MYO1D: variants seen among roughly 807,000 people sequenced by gnomAD.
MYO1D encodes the protein myosin ID.
In MYO1D, 83 loss-of-function variants were observed where a neutral mutation model predicts 122.0. The ratio of observed to expected loss-of-function variants is 0.68; its 90% CI spans 0.57 to 0.82. The LOEUF (loss-of-function observed/expected upper bound fraction) is 0.82, where lower values mean the gene tolerates loss of function less well. MYO1D is among the 40% of genes least tolerant of loss of function. The pLI, the probability that MYO1D is intolerant of heterozygous loss-of-function variation, is 0.00. For synonymous variants in MYO1D, 464 were observed against 446.9 expected, an observed-to-expected ratio of 1.04 and a Z score of -0.48; for missense variants, 1,157 against 1,269.5, an observed-to-expected ratio of 0.91 and a Z score of 1.35.
intron 10 of MYO1D, among the ~76,000 whole-genome samples, chr17:32,757,369 G>C (rs1319284963): frequency 6.6e-6 from 1 of 152,010 alleles, no homozygotes; most frequent in African/African-American, 2.4e-5. Context: ...ATGGGGTAGG[G>C]GTGCTACTGT....
chr17:32,526,177 C>G (rs1462450281), intron 21 of MYO1D, among the ~76,000 whole-genome samples: 1 of 152,220 alleles, frequency 6.6e-6, no homozygotes, highest in Non-Finnish European at 1.5e-5. Context: ...CTGGTTCCCC[C>G]ACCAGATTGT....
intron 14 of MYO1D, among the ~76,000 whole-genome samples, chr17:32,736,015 T>C (rs1274266483): frequency 1.3e-5 from 2 of 152,124 alleles, no homozygotes; most frequent in Admixed American, 1.3e-4. Context: ...TGAATACCAA[T>C]TATTTAGATT....
chr17:32,823,906 A>G (rs1168479281), intron 1 of MYO1D, among the ~76,000 whole-genome samples: 1 of 151,798 alleles, frequency 6.6e-6, no homozygotes, highest in Admixed American at 6.6e-5. Flanking sequence ...TCTCTACTAA[A>G]AATATAAAAA....
At chr17:32,700,179 T>C (rs1309155735) in intron 16 of MYO1D, among the ~76,000 whole-genome samples, 1 of 152,228 alleles carries the variant, frequency 6.6e-6, no homozygotes, top group Non-Finnish European at 1.5e-5. Context: ...ACCAATTTCA[T>C]GGAAGACAGT....
intron 21 of MYO1D, among the ~76,000 whole-genome samples, chr17:32,566,610 A>C (rs529281950): frequency 6.6e-6 from 1 of 152,132 alleles, no homozygotes; most frequent in African/African-American, 2.4e-5. Context: ...ATGATTGGAA[A>C]GTCAACTGAG....
intron 21 of MYO1D, among the ~76,000 whole-genome samples, chr17:32,603,521 CTTTT>C (rs776245633): frequency 4.0e-5 from 4 of 99,676 alleles, no homozygotes; most frequent in Middle Eastern, 6.8e-3. Flanking sequence ...ACATTCTAAA[CTTTT>C]TTTTTTTTTT....
chr17:32,514,171 T>C, intron 21 of MYO1D, among the ~76,000 whole-genome samples: 1 of 135,906 alleles, frequency 7.4e-6, no homozygotes, highest in Non-Finnish European at 1.5e-5. Context: ...AATCCACAGG[T>C]AGAGATTGTA....
intron 21 of MYO1D, among the ~76,000 whole-genome samples, chr17:32,549,575 A>G (rs1002218223): frequency 6.6e-6 from 1 of 152,176 alleles, no homozygotes; most frequent in African/African-American, 2.4e-5. Context: ...ATAAGTTTAA[A>G]TGCACATAGC....
At chr17:32,778,886 G>T (rs1446719867) in intron 2 of MYO1D, among the ~76,000 whole-genome samples, 3 of 152,030 alleles carry the variant, frequency 2.0e-5, no homozygotes, top group African/African-American at 7.2e-5. Flanking sequence ...TACTTGGTAG[G>T]GACTCATAAG....
chr17:32,544,629 A>G (rs1464193428), intron 21 of MYO1D, among the ~76,000 whole-genome samples: 1 of 152,162 alleles, frequency 6.6e-6, no homozygotes, highest in East Asian at 1.9e-4. Flanking sequence ...ATAGAACAAC[A>G]CCTCTCAGGG....
intron 21 of MYO1D, among the ~76,000 whole-genome samples, chr17:32,576,999 T>C (rs543777522): frequency 9.9e-5 from 15 of 152,094 alleles, no homozygotes; most frequent in African/African-American, 3.6e-4. Context: ...CCTGTAATCC[T>C]AGCACTTTGG....
chr17:32,620,550 C>T (rs1208158454), intron 20 of MYO1D, among the ~76,000 whole-genome samples: 1 of 152,136 alleles, frequency 6.6e-6, no homozygotes, highest in Non-Finnish European at 1.5e-5. Context: ...CAGGGAACCC[C>T]CCCCTGCCAA....
intron 14 of MYO1D, among the ~76,000 whole-genome samples, chr17:32,721,969 T>C (rs1395080858): frequency 1.3e-5 from 2 of 152,252 alleles, no homozygotes; most frequent in Non-Finnish European, 2.9e-5. Flanking sequence ...TCTCTGAATC[T>C]GTTATCTATC....
intron 1 of MYO1D, among the ~76,000 whole-genome samples, chr17:32,864,006 C>CCTTTT (rs2091100797): frequency 4.2e-5 from 1 of 23,880 alleles, no homozygotes; most frequent in African/African-American, 2.0e-4. Context: ...AACATTTCTT[C>CCTTTT]CTTTTTTTTT....
chr17:32,497,372 G>T (rs1055971524), intron 21 of MYO1D, among the ~76,000 whole-genome samples: 1 of 152,136 alleles, frequency 6.6e-6, no homozygotes, highest in African/African-American at 2.4e-5. Flanking sequence ...CAGGAGGATC[G>T]CCTGAGCCCG....
rs112880599 is a variant in MYO1D at position 32,590,571 on chromosome 17, G to A, written c.2864+14516C>T. Among the ~76,000 whole-genome samples, 698 of 152,352 alleles carry A rather than the reference G, an allele frequency of 4.6e-3. 3 individuals carry two copies. Among genetic ancestry groups the A allele is most frequent in the African/African-American group, 0.015 (636 of 41,580 alleles). On this transcript the variant is annotated intron_variant, in intron 21 of 21. Coordinates refer to ENST00000318217, the MANE Select transcript of MYO1D (RefSeq NM_015194.3). ...CCTCCTACCACCCGCAGCCTGACCTGTGATGGGTGCTTAGTGAATGCATGC... is the reference window on the plus strand; with the variant it reads ...CCTCCTACCACCCGCAGCCTGACCTATGATGGGTGCTTAGTGAATGCATGC...
rs190756601 is a variant in MYO1D, at chr17:32,689,504, C to T, written c.2121+22484G>A. ...AAATAGTCCTAATTTTCCTTAGTTA[C>T]GAATGATGCCCGCCTAGCCACCAAA... On this transcript the variant is annotated intron_variant, in intron 16 of 21. Transcript: ENST00000318217. 7.9e-5 allele frequency among the ~76,000 whole-genome samples: 12 copies of T among 152,256 alleles called. No individual in the cohort carries two copies. The East Asian group carries it at 1.4e-3, about 17-fold the overall frequency.
At chr17:32,570,213 C>A (rs1323536315) in intron 21 of MYO1D, among the ~76,000 whole-genome samples, 1 of 152,142 alleles carries the variant, frequency 6.6e-6, no homozygotes, top group East Asian at 1.9e-4. Flanking sequence ...GAACCCAGAA[C>A]CAGAGGGCCC....
chr17:32,797,232 G>A (rs938989439), intron 1 of MYO1D, among the ~76,000 whole-genome samples: 5 of 152,202 alleles, frequency 3.3e-5, no homozygotes, highest in Admixed American at 1.3e-4. Flanking sequence ...GCCTCCCAAA[G>A]TGCTGGGATT....
Sources: allele counts gnomAD v4.1 joint callset (sites outside exome capture counted in the v4.1 genomes callset), GRCh38; gene constraint gnomAD v4.1.1; transcripts MANE v1.5; gene names NCBI Gene and HGNC (gene_info 2026-07-23, HGNC 2026-07-21).